Variants in MRTFB observed in about 807,000 individuals in gnomAD.
The protein encoded by MRTFB is myocardin related transcription factor B, also known as myocardin-related transcription factor B.
In MRTFB, 29 loss-of-function variants were observed where a neutral mutation model predicts 104.2. That is an observed-to-expected ratio of 0.28 (90% CI 0.21 to 0.38). The LOEUF is 0.38. Among genes scored for constraint, MRTFB ranks in the 10% least tolerant of loss-of-function variants. The probability of loss-of-function intolerance (pLI) is 1.00; values close to 1 mark genes in which losing one functional copy is unlikely to be tolerated. For synonymous variants in MRTFB, 535 were observed against 519.5 expected (o/e 1.03, Z -0.41); for missense variants, 1,270 against 1,341.6 (o/e 0.95, Z 0.83).
chr16:14,016,472 C>T, the MRTFB span, among the ~76,000 whole-genome samples: 1 of 152,022 alleles, frequency 6.6e-6, no homozygotes, highest in Non-Finnish European at 1.5e-5. Flanking sequence ...TCATACCTCC[C>T]TTAAAGGACT....
At chr16:14,043,716 G>A in the MRTFB span, among the ~76,000 whole-genome samples, 1 of 152,158 alleles carries the variant, frequency 6.6e-6, no homozygotes, top group Non-Finnish European at 1.5e-5. Flanking sequence ...GGTTATTGAA[G>A]GAATCAAGGA....
the MRTFB span, among the ~76,000 whole-genome samples, chr16:14,053,729 CAAA>C: frequency 2.1e-5 from 2 of 97,504 alleles, no homozygotes; most frequent in Non-Finnish European, 4.3e-5. Flanking sequence ...GACTCCATCT[CAAA>C]AAAAAAAAAA....
intron 2 of MRTFB, among the ~76,000 whole-genome samples, chr16:14,103,870 G>T (rs759449223): frequency 2.6e-5 from 4 of 152,208 alleles, no homozygotes; most frequent in Non-Finnish European, 5.9e-5. Context: ...TATCTTTACT[G>T]TAGAGAAATA....
chr16:14,246,077 C>T (rs1452655945), intron 11 of MRTFB, among the ~76,000 whole-genome samples: 2 of 152,104 alleles, frequency 1.3e-5, no homozygotes, highest in East Asian at 1.9e-4. Context: ...CTTTGCCTCC[C>T]GATCTGTAAA....
At chr16:14,109,347 T>C (rs2036155858) in intron 2 of MRTFB, among the ~76,000 whole-genome samples, 1 of 152,186 alleles carries the variant, frequency 6.6e-6, no homozygotes, top group Admixed American at 6.5e-5. Flanking sequence ...CAAACGGATG[T>C]ACTCAGTTTA....
intron 2 of MRTFB, among the ~76,000 whole-genome samples, chr16:14,134,016 A>G (rs2037576325): frequency 6.6e-6 from 1 of 150,566 alleles, no homozygotes; most frequent in Non-Finnish European, 1.5e-5. Flanking sequence ...AAATTTTTAT[A>G]GATGGATCAT....
At position 14,140,625 on chromosome 16, in the gene MRTFB, A is replaced by T. The variant is rs1392809002; in HGVS notation, c.19A>T (p.Ile7Leu). ...GAACACAATGGATCACACAGGGGCGATAGACACCGAGGATGAAGTGGGACC... is the reference window on the plus strand; with the variant it reads ...GAACACAATGGATCACACAGGGGCGTTAGACACCGAGGATGAAGTGGGACC... MDHTGA[I>L]DTEDEVGPLA... Residue 7 changes from isoleucine to leucine, a missense_variant, in exon 3 of 17, where the codon ATA (isoleucine) becomes TTA (leucine). Transcript: ENST00000571589. 1.9e-6 allele frequency: 3 copies of T among 1,614,170 alleles called. No homozygotes were observed. The South Asian group carries it at 3.3e-5, about 18-fold the overall frequency.
At chr16:14,108,738 G>GA (rs1259537634) in intron 2 of MRTFB, among the ~76,000 whole-genome samples, 1 of 152,140 alleles carries the variant, frequency 6.6e-6, no homozygotes, top group Admixed American at 6.5e-5. Context: ...GTTACATTCT[G>GA]AAAAGCTGTA....
At position 14,227,937 on chromosome 16, in the gene MRTFB, G is replaced by A. The variant is rs1298987512; in HGVS notation, c.694-6209G>A. Reference sequence around the variant, plus strand: ...GGGCAAAGGTTTGAATGTGGTTTTTGTTGCAGTCTATCTTAAAAAAAAAAA... The same window carrying A: ...GGGCAAAGGTTTGAATGTGGTTTTTATTGCAGTCTATCTTAAAAAAAAAAA... On this transcript the variant is annotated intron_variant, in intron 8 of 16. Coordinates refer to ENST00000571589, the MANE Select transcript of MRTFB (RefSeq NM_001308142.2). Among the ~76,000 whole-genome samples the A allele has an allele frequency of 2.7e-5, 4 of 145,962 alleles. No individual in the cohort carries two copies. In the East Asian group the frequency reaches 7.9e-4, roughly 29 times the overall value.
At chr16:14,186,523 T>A (rs2039958641) in intron 3 of MRTFB, among the ~76,000 whole-genome samples, 1 of 152,214 alleles carries the variant, frequency 6.6e-6, no homozygotes, top group Non-Finnish European at 1.5e-5. Context: ...GAAGATTTAT[T>A]TTTAACTGCT....
intron 2 of MRTFB, among the ~76,000 whole-genome samples, chr16:14,101,423 A>G (rs964260283): frequency 6.6e-6 from 1 of 152,178 alleles, no homozygotes; most frequent in Non-Finnish European, 1.5e-5. Context: ...GGTGAATTCT[A>G]TGGATAAATC....
intron 2 of MRTFB, among the ~76,000 whole-genome samples, chr16:14,108,936 G>A (rs1188844360): frequency 6.6e-6 from 1 of 152,130 alleles, no homozygotes; most frequent in East Asian, 1.9e-4. Context: ...AAGCATATGT[G>A]CACCCCTCTG....
At chr16:14,082,711 C>T (rs1471846706) in intron 2 of MRTFB, among the ~76,000 whole-genome samples, 1 of 152,066 alleles carries the variant, frequency 6.6e-6, no homozygotes, top group African/African-American at 2.4e-5. Context: ...GCCAGGAGTT[C>T]GAGGTTGCAG....
chr16:14,045,720 A>G, the MRTFB span, among the ~76,000 whole-genome samples: 1 of 152,216 alleles, frequency 6.6e-6, no homozygotes, highest in Admixed American at 6.5e-5. Context: ...AATGGAAATG[A>G]CATTAACCTC....
chr16:14,010,626 A>G, the MRTFB span, among the ~76,000 whole-genome samples: 1 of 151,382 alleles, frequency 6.6e-6, no homozygotes, highest in Non-Finnish European at 1.5e-5. Flanking sequence ...AGGTCTCCCT[A>G]TGTTGCCTAG....
At chr16:14,083,783 G>C (rs1005926601) in intron 2 of MRTFB, among the ~76,000 whole-genome samples, 1 of 152,208 alleles carries the variant, frequency 6.6e-6, no homozygotes, top group African/African-American at 2.4e-5. Context: ...GGAATGGATA[G>C]TTGTTCGAAT....
intron 9 of MRTFB, 38 bp from the exon 10 acceptor site, chr16:14,240,199 C>T: frequency 1.3e-6 from 2 of 1,543,798 alleles, no homozygotes; most frequent in South Asian, 2.6e-5. Flanking sequence ...TATGTGGTGA[C>T]ATCTCTTTAA....
chr16:14,137,856 A>G (rs1236756987), intron 2 of MRTFB, among the ~76,000 whole-genome samples: 1 of 152,010 alleles, frequency 6.6e-6, no homozygotes, highest in Admixed American at 6.6e-5. Flanking sequence ...GTCTCTTTTA[A>G]TTAGAGCGTT....
Position 14,252,491 on chromosome 16 carries a change from C to G in MRTFB, c.2692C>G (p.Pro898Ala). ...AIKQTRSTQA[P>A]LPEISNAHSQ... ...CAAGCAGACACGCAGCACACAGGCC[C>G]CTCTGCCAGAGGTAAGTGAGGGCAC... Residue 898 changes from proline (P) to alanine (A), a missense_variant, in exon 15 of 17, where the codon CCT (proline) becomes GCT (alanine). Coordinates refer to ENST00000571589, the MANE Select transcript of MRTFB (RefSeq NM_001308142.2). 1 of 1,613,964 alleles carries G rather than the reference C, an allele frequency of 6.2e-7. No individual in the cohort carries two copies. Among genetic ancestry groups the G allele is most frequent in the South Asian group, 1.1e-5 (1 of 91,052 alleles).
Sources: gnomAD v4.1 joint callset for allele counts (sites outside exome capture counted in the v4.1 genomes callset) on GRCh38, gnomAD v4.1.1 for gene constraint, MANE v1.5 for transcripts, NCBI Gene and HGNC (gene_info 2026-07-23, HGNC 2026-07-21) for gene names.